The following NTM variants were observed in gnomAD, a reference collection of about 807,000 sequenced individuals.
NTM encodes the protein neurotrimin.
Under a neutral mutation model 42.1 loss-of-function variants are expected in NTM, and 13 were observed. The observed-to-expected ratio is 0.31, with a 90% CI of 0.20 to 0.49. The LOEUF (loss-of-function observed/expected upper bound fraction) is 0.49. Among genes scored for constraint, NTM ranks in the 20% least tolerant of loss-of-function variants. The probability of loss-of-function intolerance (pLI) is 0.99; values close to 1 mark genes in which losing one functional copy is unlikely to be tolerated. For synonymous variants in NTM, 187 were observed against 179.2 expected (o/e 1.04, Z -0.35); for missense variants, 373 against 452.8 (o/e 0.82, Z 1.60).
chr11:131,611,541 C>T (rs2061466261), intron 1 of NTM, among the ~76,000 whole-genome samples: 1 of 152,156 alleles, frequency 6.6e-6, no homozygotes. Flanking sequence ...GGGGAATCCA[C>T]TTACATAAAG....
chr11:132,133,919 T>C (rs1434629455), intron 2 of NTM, among the ~76,000 whole-genome samples: 8 of 152,234 alleles, frequency 5.3e-5, no homozygotes, highest in Non-Finnish European at 1.2e-4. Flanking sequence ...CAGCTGACTC[T>C]AGTCTTTCTT....
intron 2 of NTM, among the ~76,000 whole-genome samples, chr11:132,007,108 C>T (rs1171104314): frequency 6.6e-6 from 1 of 152,222 alleles, no homozygotes; most frequent in Non-Finnish European, 1.5e-5. Flanking sequence ...CTCCCTGTCA[C>T]ACCTGTGATG....
At chr11:131,968,485 C>T (rs547672168) in intron 2 of NTM, among the ~76,000 whole-genome samples, 4 of 152,136 alleles carry the variant, frequency 2.6e-5, no homozygotes, top group African/African-American at 7.2e-5. Context: ...TTCTTCCAAT[C>T]GTACCCAGCA....
At chr11:131,861,055 A>G (rs1462999377) in intron 1 of NTM, among the ~76,000 whole-genome samples, 1 of 152,036 alleles carries the variant, frequency 6.6e-6, no homozygotes, top group African/African-American at 2.4e-5. Flanking sequence ...CTTCAGCCCT[A>G]CCCCTGGCTT....
intron 4 of NTM, among the ~76,000 whole-genome samples, chr11:132,234,929 T>G (rs1016551807): frequency 2.0e-4 from 30 of 152,236 alleles, no homozygotes; most frequent in African/African-American, 7.2e-4. Context: ...TAGATTCCAG[T>G]AAGATATGTT....
At chr11:131,676,821 A>G (rs1024791001) in intron 1 of NTM, among the ~76,000 whole-genome samples, 2 of 152,234 alleles carry the variant, frequency 1.3e-5, no homozygotes, top group Admixed American at 6.5e-5. Context: ...AACACAAGGT[A>G]TGAATTCCAG....
chr11:131,498,541 C>A lies in NTM; in HGVS notation c.82+127653C>A, dbSNP rs370386310. On this transcript the variant is annotated intron_variant, in intron 1 of 8. Coordinates refer to ENST00000683400, the MANE Select transcript of NTM (RefSeq NM_001352005.2). ...TCCTTTTCTTCCAAACATACACACA[C>A]GCACACACTCACACACATACACAGA... is the stretch of plus-strand genomic sequence containing the variant. Among the ~76,000 whole-genome samples, 11 of 152,300 alleles carry A rather than the reference C, an allele frequency of 7.2e-5. No homozygotes were observed. The East Asian group carries it at 1.7e-3, about 24-fold the overall frequency.
At chr11:131,787,703 AT>A (rs2089502569) in intron 1 of NTM, among the ~76,000 whole-genome samples, 1 of 152,188 alleles carries the variant, frequency 6.6e-6, no homozygotes, top group African/African-American at 2.4e-5. Context: ...TTTAAACCAA[AT>A]TTGGAAGTTT....
In NTM at chr11:131,690,731, C is replaced by A. The variant is rs1304666877; in HGVS notation, c.83-220833C>A. ...AGGAAGGCAGGACGTGGGTGCTAAG[C>A]GTAGGCCGTGGCCCACATCCTTGGG... On this transcript the variant is annotated intron_variant, in intron 1 of 8. Transcript: ENST00000683400. 3.3e-5 allele frequency among the ~76,000 whole-genome samples: 5 copies of A among 152,300 alleles called. No individual in the cohort carries two copies. The South Asian group carries it at 1.0e-3, about 32-fold the overall frequency.
intron 2 of NTM, among the ~76,000 whole-genome samples, chr11:132,083,478 C>G (rs1396833334): frequency 9.2e-5 from 14 of 152,182 alleles, no homozygotes; most frequent in Non-Finnish European, 4.4e-5. Flanking sequence ...AAAGCTGAGC[C>G]TAGCCATGGG....
chr11:131,521,983 A>G (rs1166912197), intron 1 of NTM, among the ~76,000 whole-genome samples: 1 of 152,162 alleles, frequency 6.6e-6, no homozygotes, highest in Non-Finnish European at 1.5e-5. Flanking sequence ...ATCCTTTGAA[A>G]TTATAAGCAA....
chr11:132,116,136 G>C (rs1037475172), intron 2 of NTM, among the ~76,000 whole-genome samples: 7 of 152,304 alleles, frequency 4.6e-5, no homozygotes, highest in African/African-American at 1.7e-4. Flanking sequence ...TTGCACATGT[G>C]ATGCAAGGGC....
At position 131,910,886 on chromosome 11, in the gene NTM, G is replaced by C. The variant is rs567024180; in HGVS notation, c.83-678G>C. 8.8e-5 allele frequency: 87 copies of C among 985,520 alleles called. No homozygotes were observed. In the Admixed American group the frequency reaches 1.5e-3, roughly 17 times the overall value. 61.0% of individuals were successfully genotyped at this position (985,520 alleles called of 1,614,324 possible). ...CGGCTGCCGCAGGATCCCGGGCCCGGATCGCACGAAGCCCGCGCGGCCGTC... is the reference window on the plus strand; with the variant it reads ...CGGCTGCCGCAGGATCCCGGGCCCGCATCGCACGAAGCCCGCGCGGCCGTC... On this transcript the variant is annotated intron_variant, in intron 1 of 8. Coordinates refer to ENST00000683400, the MANE Select transcript of NTM (RefSeq NM_001352005.2).
intron 2 of NTM, among the ~76,000 whole-genome samples, chr11:131,990,932 C>T (rs1223022220): frequency 6.6e-6 from 1 of 152,104 alleles, no homozygotes; most frequent in Non-Finnish European, 1.5e-5. Context: ...AACCGAGTTA[C>T]CTGATAAATT....
chr11:131,954,121 T>C (rs928477905), intron 2 of NTM, among the ~76,000 whole-genome samples: 2 of 152,198 alleles, frequency 1.3e-5, no homozygotes, highest in Admixed American at 1.3e-4. Flanking sequence ...CCCTCCTTTT[T>C]CCTAAAACAA....
At chr11:131,395,677 A>G (rs1944474437) in intron 1 of NTM, among the ~76,000 whole-genome samples, 1 of 152,140 alleles carries the variant, frequency 6.6e-6, no homozygotes, top group Admixed American at 6.5e-5. Flanking sequence ...ATGTTAATTC[A>G]CCTCTGTAAT....
chr11:132,326,193 G>A (rs935159277), intron 7 of NTM, among the ~76,000 whole-genome samples: 1 of 151,962 alleles, frequency 6.6e-6, no homozygotes, highest in Non-Finnish European at 1.5e-5. Context: ...AATAAAAAAA[G>A]TGGCTAACAT....
intron 1 of NTM, among the ~76,000 whole-genome samples, chr11:131,841,900 G>T (rs530880236): frequency 2.0e-5 from 3 of 152,288 alleles, no homozygotes; most frequent in African/African-American, 7.2e-5. Context: ...GTTAAGCCAG[G>T]GCCACAAAGC....
At chr11:132,061,151 C>T (rs1300368192) in intron 2 of NTM, among the ~76,000 whole-genome samples, 1 of 152,190 alleles carries the variant, frequency 6.6e-6, no homozygotes, top group Non-Finnish European at 1.5e-5. Context: ...AAGATAGTCA[C>T]ACACTAAGAT....
Sources: gnomAD v4.1 joint callset for allele counts (sites outside exome capture counted in the v4.1 genomes callset) on GRCh38, gnomAD v4.1.1 for gene constraint, MANE v1.5 for transcripts, NCBI Gene and HGNC (gene_info 2026-07-23, HGNC 2026-07-21) for gene names.